DSCAM: variants seen among roughly 807,000 people sequenced by gnomAD.
The protein encoded by DSCAM is DS cell adhesion molecule.
In DSCAM, 47 loss-of-function variants were observed where a neutral mutation model predicts 217.7. That is an observed-to-expected ratio of 0.22 (90% CI 0.17 to 0.28). DSCAM has a LOEUF of 0.28. Ranked by LOEUF, DSCAM falls within the 10% of genes least tolerant of loss-of-function variation. The pLI is 1.00. For missense variants in DSCAM, 2,080 were observed against 2,618.3 expected (o/e 0.79, Z 4.49); for synonymous variants, 1,056 against 1,015.3 (o/e 1.04, Z -0.76).
At chr21:40,610,216 C>T (rs965512054) in intron 3 of DSCAM, among the ~76,000 whole-genome samples, 2 of 152,312 alleles carry the variant, frequency 1.3e-5, no homozygotes, top group Middle Eastern at 3.4e-3. Context: ...AAAAAATGCC[C>T]ACATTTCTGG....
intron 16 of DSCAM, among the ~76,000 whole-genome samples, chr21:40,164,835 T>A (rs2146767481): frequency 6.6e-6 from 1 of 152,144 alleles, no homozygotes; most frequent in East Asian, 1.9e-4. Context: ...GAAATAAAAG[T>A]GGAAAGTTGC....
chr21:40,536,905 G>C (rs1333181741), intron 3 of DSCAM, among the ~76,000 whole-genome samples: 1 of 152,200 alleles, frequency 6.6e-6, no homozygotes, highest in African/African-American at 2.4e-5. Context: ...GAAGGCCAGA[G>C]GCATGGTGCC....
chr21:40,121,681 C>CTTTTTTTTTTTTTT lies in DSCAM; in HGVS notation c.3696+2500_3696+2513dup, dbSNP rs201672838. Among the ~76,000 whole-genome samples the CTTTTTTTTTTTTTT allele has an allele frequency of 2.3e-3, 167 of 73,734 alleles. 28 individuals carry two copies. Among genetic ancestry groups the CTTTTTTTTTTTTTT allele is most frequent in the Middle Eastern group, 6.8e-3 (1 of 148 alleles). 48.4% of individuals were successfully genotyped at this position (73,734 alleles called of 152,430 possible). A position where few individuals can be genotyped will look rare whatever the true frequency, so the allele number is the denominator to read the frequency against. On this transcript the variant is annotated intron_variant, in intron 20 of 32. Coordinates refer to ENST00000400454, the MANE Select transcript of DSCAM (RefSeq NM_001389.5). The stretch of plus-strand genomic sequence containing the variant: ...CTGGTGGGTTTGCTCTCATTACTGT[C>CTTTTTTTTTTTTTT]TTTTTTTTTTTTTTTTTTTTTTTTT...
At chr21:40,252,834 G>A (rs747245557) in intron 11 of DSCAM, among the ~76,000 whole-genome samples, 1 of 152,060 alleles carries the variant, frequency 6.6e-6, no homozygotes, top group Non-Finnish European at 1.5e-5. Flanking sequence ...ACTTCCCAAC[G>A]TATAAAACAA....
rs533486572 is a variant in DSCAM, at chr21:40,361,030, G to A, written c.656-7287C>T. The stretch of plus-strand genomic sequence containing the variant: ...AGCAATGCTTGAGACAGGCTCTTGT[G>A]GGGATATTTGGTCATATATCAAATC... On this transcript the variant is annotated intron_variant, in intron 4 of 32. Transcript: ENST00000400454. Among the ~76,000 whole-genome samples the A allele has an allele frequency of 1.8e-3, 270 of 152,082 alleles. 2 individuals carry two copies. The highest frequency in any genetic ancestry group is 5.0e-3 in the African/African-American group (207 of 41,478).
At chr21:40,095,598 T>C (rs2089666332) in intron 20 of DSCAM, among the ~76,000 whole-genome samples, 1 of 152,166 alleles carries the variant, frequency 6.6e-6, no homozygotes, top group Admixed American at 6.5e-5. Context: ...TTCAGGGTGA[T>C]GAAAATGTTC....
intron 3 of DSCAM, among the ~76,000 whole-genome samples, chr21:40,549,132 G>A (rs1209989511): frequency 1.3e-5 from 2 of 152,186 alleles, no homozygotes; most frequent in East Asian, 1.9e-4. Context: ...CTGAGCCTGG[G>A]AGCCGAGATT....
intron 19 of DSCAM, among the ~76,000 whole-genome samples, chr21:40,130,849 T>A (rs556212958): frequency 6.6e-6 from 1 of 152,356 alleles, no homozygotes; most frequent in South Asian, 2.1e-4. Flanking sequence ...GTTAAGTTTC[T>A]CTTTTTAGTA....
intron 3 of DSCAM, among the ~76,000 whole-genome samples, chr21:40,512,307 C>T (rs974314929): frequency 5.3e-5 from 8 of 152,132 alleles, no homozygotes; most frequent in African/African-American, 1.9e-4. Context: ...CACACCTACT[C>T]TGGGAAGTCA....
intron 3 of DSCAM, among the ~76,000 whole-genome samples, chr21:40,422,797 T>C (rs374866580): frequency 6.6e-6 from 1 of 152,208 alleles, no homozygotes; most frequent in East Asian, 1.9e-4. Flanking sequence ...GCTGCAGGTT[T>C]TTCCAAGAAG....
At chr21:40,098,091 CA>C (rs1335009135) in intron 20 of DSCAM, among the ~76,000 whole-genome samples, 2 of 150,072 alleles carry the variant, frequency 1.3e-5, no homozygotes, top group Non-Finnish European at 3.0e-5. Flanking sequence ...TAACACTAAT[CA>C]AAAAAATATG....
chr21:40,193,230 C>T (rs1051101704), intron 11 of DSCAM, among the ~76,000 whole-genome samples: 7 of 152,196 alleles, frequency 4.6e-5, no homozygotes, highest in African/African-American at 1.7e-4. Flanking sequence ...GCATGTTCCT[C>T]GACAGCTGGA....
chr21:40,033,238 G>A (rs1380347293), intron 32 of DSCAM, among the ~76,000 whole-genome samples: 2 of 152,186 alleles, frequency 1.3e-5, no homozygotes, highest in Admixed American at 6.5e-5. Context: ...GAAGACGGGT[G>A]ATTTCGGCAT....
intron 3 of DSCAM, among the ~76,000 whole-genome samples, chr21:40,413,146 G>A (rs1031541513): frequency 3.9e-5 from 6 of 152,228 alleles, no homozygotes; most frequent in African/African-American, 1.4e-4. Flanking sequence ...GCAGGGGCAG[G>A]GCCCTCATGG....
intron 1 of DSCAM, among the ~76,000 whole-genome samples, chr21:40,709,434 G>C (rs1479696803): frequency 1.3e-5 from 2 of 152,140 alleles, no homozygotes; most frequent in East Asian, 3.8e-4. Flanking sequence ...GTGGTTTGCT[G>C]CACCCATCAA....
intron 3 of DSCAM, among the ~76,000 whole-genome samples, chr21:40,680,366 A>T (rs1225012828): frequency 6.6e-6 from 1 of 152,158 alleles, no homozygotes; most frequent in Admixed American, 6.5e-5. Context: ...GGCACTCTTC[A>T]TCTTTATAAA....
chr21:40,020,762 G>T (rs1365783135), intron 32 of DSCAM, among the ~76,000 whole-genome samples: 1 of 152,184 alleles, frequency 6.6e-6, no homozygotes, highest in Non-Finnish European at 1.5e-5. Flanking sequence ...GCTAAACCCA[G>T]TTAGTGTCTC....
rs566990690 is a variant in DSCAM at position 40,169,840 on chromosome 21, C to T, written c.2948-2552G>A. 2.6e-5 allele frequency among the ~76,000 whole-genome samples: 4 copies of T among 152,234 alleles called. No homozygotes were observed. The South Asian group carries it at 8.3e-4, about 32-fold the overall frequency. On this transcript the variant is annotated intron_variant, in intron 15 of 32. Transcript: ENST00000400454. ...CTGATGCTGTCCCTGACATCTGATC[C>T]AAATGGCCCCTGTCCTATGCTTTCT... is the stretch of plus-strand genomic sequence containing the variant.
In DSCAM at chr21:40,021,060, G is replaced by T. The variant is rs979740201; in HGVS notation, c.5687-7674C>A. On this transcript the variant is annotated intron_variant, in intron 32 of 32. Coordinates refer to ENST00000400454, the MANE Select transcript of DSCAM (RefSeq NM_001389.5). ...GGGAGGCTGAGATGAATAAGGCTGG[G>T]GGGGTGTGAGGGAGGATGGATGAGA... 7.9e-4 allele frequency among the ~76,000 whole-genome samples: 120 copies of T among 151,820 alleles called. 2 individuals carry two copies. Among genetic ancestry groups the T allele is most frequent in the Admixed American group, 1.9e-3 (29 of 15,236 alleles).
Sources: gnomAD v4.1 joint callset for allele counts (sites outside exome capture counted in the v4.1 genomes callset) on GRCh38, gnomAD v4.1.1 for gene constraint, MANE v1.5 for transcripts, NCBI Gene and HGNC (gene_info 2026-07-23, HGNC 2026-07-21) for gene names.